Variants in ARMC10 observed in about 807,000 individuals in gnomAD.
ARMC10 encodes armadillo repeat containing 10.
A neutral mutation model predicts 30.2 loss-of-function variants in ARMC10; 23 were observed. The observed-to-expected ratio is 0.76, with a 90% CI of 0.55 to 1.08. The LOEUF (loss-of-function observed/expected upper bound fraction) is 1.08, where lower values mean the gene tolerates loss of function less well. Ranked by LOEUF, ARMC10 falls within the 50% of genes least tolerant of loss-of-function variation. The pLI is 0.00. For missense variants in ARMC10, 303 were observed against 413.7 expected (o/e 0.73, Z 2.32); for synonymous variants, 111 against 164.4 (o/e 0.68, Z 2.48).
chr7:103,076,801 C>T (rs1428375192), intron 2 of ARMC10, among the ~76,000 whole-genome samples: 1 of 152,084 alleles, frequency 6.6e-6, no homozygotes, highest in African/African-American at 2.4e-5. Context: ...CACCATTGCA[C>T]TCCAGCTTGT....
chr7:103,078,936 G>A (rs1381728720), intron 2 of ARMC10, among the ~76,000 whole-genome samples: 1 of 152,154 alleles, frequency 6.6e-6, no homozygotes, highest in Non-Finnish European at 1.5e-5. Flanking sequence ...TTGAGCCCAG[G>A]AGGTCAAGGC....
chr7:103,097,161 C>A, intron 5 of ARMC10, 116 bp from the exon 6 acceptor site: 1 of 824,218 alleles, frequency 1.2e-6, no homozygotes, highest in South Asian at 1.4e-5. Flanking sequence ...GAATTTGAGC[C>A]AGGCCTGGAA....
At chr7:103,088,101 A>G (rs1468731082) in intron 4 of ARMC10, among the ~76,000 whole-genome samples, 2 of 152,196 alleles carry the variant, frequency 1.3e-5, no homozygotes, top group Non-Finnish European at 1.5e-5. Flanking sequence ...ATCAATTAGA[A>G]TATCCAATGA....
At chr7:103,094,534 CTA>C (rs1801610286) in intron 5 of ARMC10, among the ~76,000 whole-genome samples, 1 of 152,192 alleles carries the variant, frequency 6.6e-6, no homozygotes, top group African/African-American at 2.4e-5. Context: ...CCCTCATTGA[CTA>C]TTAGTGGGTC....
At position 103,075,816 on chromosome 7, in the gene ARMC10, G is replaced by T. The variant is rs1415454503; in HGVS notation, c.179G>T (p.Gly60Val). 2.5e-6 allele frequency: 4 copies of T among 1,611,112 alleles called. No homozygotes were observed. The highest frequency in any genetic ancestry group is 1.6e-4 in the Middle Eastern group (1 of 6,080). ...GGGACGTCAGAGGGTCAGTTGTGCG[G>T]GCGCTCGGCCCGGCCTCAGACGGGA... is the stretch of plus-strand genomic sequence containing the variant. ...EEGTSEGQLCGRSARPQTGGT... is the reference protein window; with the variant it reads ...EEGTSEGQLCVRSARPQTGGT... The change falls in exon 2 of 7, where the codon GGG (glycine) becomes GTG (valine). Residue 60 changes from glycine (G) to valine (V), a missense_variant. Physicochemically the swap from Gly to Val is moderately radical, Grantham distance 109. Coordinates refer to ENST00000323716, the MANE Select transcript of ARMC10 (RefSeq NM_031905.5).
Position 103,083,656 on chromosome 7 carries a change from CT to C in ARMC10, c.245-24del, listed in dbSNP as rs747809073. 3.8e-6 allele frequency: 6 copies of C among 1,590,080 alleles called. No individual in the cohort carries two copies. The South Asian group carries it at 6.7e-5, about 18-fold the overall frequency. On this transcript the variant is annotated intron_variant, in intron 2 of 6. Transcript: ENST00000323716. ...TAACCTCGTATTGATTTTAGCTTAA[CT>C]TCAAATAACTTTCTTCTTATGCAGA...
intron 2 of ARMC10, among the ~76,000 whole-genome samples, chr7:103,078,834 C>G (rs879899745): frequency 6.6e-6 from 1 of 151,884 alleles, no homozygotes; most frequent in Non-Finnish European, 1.5e-5. Flanking sequence ...CATAGTGAAA[C>G]CCCATCTCTA....
intron 3 of ARMC10, 74 bp downstream of exon 3, chr7:103,083,904 T>C (rs1800606219): frequency 1.3e-6 from 2 of 1,558,500 alleles, no homozygotes; most frequent in Admixed American, 3.6e-5. Flanking sequence ...CTGAATAAAT[T>C]ACTTAACCTC....
intron 5 of ARMC10, chr7:103,096,219 C>T (rs1801748036): frequency 6.6e-6 from 1 of 152,116 alleles, no homozygotes; most frequent in East Asian, 1.9e-4. Context: ...TATATCATTG[C>T]TGGGCATGGT....
At chr7:103,091,743 G>A (rs1301023448) in intron 4 of ARMC10, among the ~76,000 whole-genome samples, 1 of 152,154 alleles carries the variant, frequency 6.6e-6, no homozygotes, top group African/African-American at 2.4e-5. Context: ...AGTTGAAACC[G>A]AAAGGTGGAC....
At chr7:103,088,952 G>C (rs972017471) in intron 4 of ARMC10, 1 of 152,508 alleles carries the variant, frequency 6.6e-6, no homozygotes, top group East Asian at 1.9e-4. Context: ...CAAACAATTC[G>C]CATATTTACT....
intron 3 of ARMC10, among the ~76,000 whole-genome samples, chr7:103,085,903 C>T (rs914138334): frequency 2.0e-5 from 3 of 152,202 alleles, no homozygotes; most frequent in Non-Finnish European, 2.9e-5. Context: ...GTGTGAGCCA[C>T]TGCGCCTGGC....
At chr7:103,076,429 T>C (rs143907538) in intron 2 of ARMC10, among the ~76,000 whole-genome samples, 1 of 152,360 alleles carries the variant, frequency 6.6e-6, no homozygotes, top group East Asian at 1.9e-4. Context: ...ATTGGGGATC[T>C]ATCTTCCTGG....
intron 2 of ARMC10, among the ~76,000 whole-genome samples, chr7:103,080,554 C>T (rs562828611): frequency 6.0e-5 from 9 of 150,838 alleles, no homozygotes; most frequent in Admixed American, 6.6e-5. Flanking sequence ...CGTGCTGGGC[C>T]GATAAATGGT....
chr7:103,079,823 A>G (rs996840426), intron 2 of ARMC10, among the ~76,000 whole-genome samples: 2 of 152,226 alleles, frequency 1.3e-5, no homozygotes, highest in Non-Finnish European at 2.9e-5. Context: ...AGCTATAAAA[A>G]CTTTAAAAAT....
intron 4 of ARMC10, among the ~76,000 whole-genome samples, chr7:103,088,374 A>G (rs1801031254): frequency 6.6e-6 from 1 of 152,202 alleles, no homozygotes; most frequent in Non-Finnish European, 1.5e-5. Flanking sequence ...AATCAAAGGT[A>G]TAGAATTAAT....
At chr7:103,085,481 C>T (rs968234021) in intron 3 of ARMC10, among the ~76,000 whole-genome samples, 5 of 151,940 alleles carry the variant, frequency 3.3e-5, no homozygotes, top group East Asian at 1.9e-4. Flanking sequence ...ATTTTTCTTA[C>T]GAGAATTAAA....
intron 2 of ARMC10, chr7:103,082,985 CT>C (rs1354457275): frequency 2.2e-6 from 1 of 447,766 alleles, no homozygotes; most frequent in Non-Finnish European, 4.5e-6. Context: ...TTGGTTTACT[CT>C]CATAGCTTTC....
chr7:103,079,604 G>A (rs917547139), intron 2 of ARMC10, among the ~76,000 whole-genome samples: 3 of 152,184 alleles, frequency 2.0e-5, no homozygotes, highest in Non-Finnish European at 4.4e-5. Context: ...AATTATAATC[G>A]TAGGTGGCAT....
Sources: allele counts gnomAD v4.1 joint callset (sites outside exome capture counted in the v4.1 genomes callset), GRCh38; gene constraint gnomAD v4.1.1; transcripts MANE v1.5; gene names NCBI Gene and HGNC (gene_info 2026-07-23, HGNC 2026-07-21).